Variants in NOA1 observed in about 807,000 individuals in gnomAD.
NOA1 encodes nitric oxide associated 1.
In NOA1, 35 loss-of-function variants were observed where a neutral mutation model predicts 58.4. That is an observed-to-expected ratio of 0.60 (90% CI 0.46 to 0.79). The LOEUF (loss-of-function observed/expected upper bound fraction) is 0.79, where lower values mean the gene tolerates loss of function less well. NOA1 is among the 30% of genes least tolerant of loss of function. The pLI, the probability that NOA1 is intolerant of heterozygous loss-of-function variation, is 0.00. For missense variants in NOA1, 895 were observed against 894.6 expected, an observed-to-expected ratio of 1.00 and a Z score of -0.01; for synonymous variants, 397 against 373.4, an observed-to-expected ratio of 1.06 and a Z score of -0.73.
rs1231374794 is a variant in NOA1 at position 56,973,276 on chromosome 4, C to G, written c.1387G>C (p.Ala463Pro). 3 of 1,613,910 alleles carry G rather than the reference C, an allele frequency of 1.9e-6. No individual in the cohort carries two copies. Among genetic ancestry groups the G allele is most frequent in the Non-Finnish European group, 2.5e-6 (3 of 1,180,014 alleles). The change falls in exon 3 of 7, where the codon GCC (alanine) becomes CCC (proline). Residue 463 changes from alanine (A) to proline (P), a missense_variant. Ala to Pro is a conservative substitution (Grantham distance 27). Around this residue, in one of 3 missense-constraint regions of NOA1, gnomAD observed 680 missense variants for 656.5 expected, o/e 1.04. Transcript: ENST00000264230. ...ACAGGGTCATTTTCCATGTCAAAGG[C>G]AAGTGAATCAGCATCAAACTCAAAG... Reference protein sequence around the residue: ...IPFEFDADSLAFDMENDPVMG... With the variant: ...IPFEFDADSLPFDMENDPVMG...
At chr4:56,970,165 G>C (rs567637845) in intron 3 of NOA1, among the ~76,000 whole-genome samples, 1 of 151,906 alleles carries the variant, frequency 6.6e-6, no homozygotes, top group Non-Finnish European at 1.5e-5. Context: ...CTGGGGTGGC[G>C]TGTGTCTGTA....
chr4:56,968,890 C>T (rs13146782), intron 3 of NOA1, among the ~76,000 whole-genome samples: 47,028 of 152,024 alleles, frequency 0.31, 7,615 homozygotes, highest in Middle Eastern at 0.38. Flanking sequence ...TAGCAATTTC[C>T]GCTTAAAGTA....
Position 56,964,520 on chromosome 4 carries a change from T to G in NOA1, c.1771A>C (p.Met591Leu). ...CCTGCCATTCGTTCTTTTCCACCCA[T>G]TGGAATCTTCCAATGAAATAAAGAT... Reference protein sequence around the residue: ...HAGHTLLQIPMGGKERMAGFP... With the variant: ...HAGHTLLQIPLGGKERMAGFP... Residue 591 changes from methionine to leucine, a missense_variant, in exon 6 of 7, where the codon ATG becomes CTG. By Grantham distance (15) the Met-to-Leu change is conservative (BLOSUM62 2). Coordinates refer to ENST00000264230, the MANE Select transcript of NOA1 (RefSeq NM_032313.4). The G allele has an allele frequency of 6.2e-7, 1 of 1,613,056 alleles. No homozygotes were observed.
chr4:56,976,841 T>C lies in NOA1; in HGVS notation c.745A>G (p.Lys249Glu). 1 of 1,613,034 alleles carries C rather than the reference T, an allele frequency of 6.2e-7. No homozygotes were observed. The highest frequency in any genetic ancestry group is 8.5e-7 in the Non-Finnish European group (1 of 1,179,754). Residue 249 changes from lysine to glutamate, a missense_variant, in exon 1 of 7, where the codon AAA becomes GAA. Transcript: ENST00000264230. ...GCATCCTGGGGCAGGAGGTCCACTT[T>C]GTTTCCCAGCACGATCAGCTGCTTG... Reference protein sequence around the residue: ...GPKQLIVLGNKVDLLPQDAPG... With the variant: ...GPKQLIVLGNEVDLLPQDAPG...
At chr4:56,966,768 G>T in intron 4 of NOA1, 32 bp from the exon 5 acceptor site, 1 of 1,374,446 alleles carries the variant, frequency 7.3e-7, no homozygotes. Context: ...CTGACCTGGT[G>T]AAAAACTTGG....
At chr4:56,967,822 AT>A (rs1721741797) in intron 4 of NOA1, among the ~76,000 whole-genome samples, 1 of 152,140 alleles carries the variant, frequency 6.6e-6, no homozygotes, top group South Asian at 2.1e-4. Context: ...CTTGTCTTAA[AT>A]GCCAAGCTGT....
In NOA1 at chr4:56,977,412, G is replaced by A; in HGVS notation, c.174C>T (p.Asp58=). 6.2e-7 allele frequency: 1 copy of A among 1,614,192 alleles called. No individual in the cohort carries two copies. The highest frequency in any genetic ancestry group is 1.1e-5 in the South Asian group (1 of 91,090). ...CACCACCTTCTCCAAAGCCCTCCGT[G>A]TCCACGGGGTCATAAGGAAGCTCGC... ...LGRELPYDPV[D]TEGFGEGGDM... is the part of the protein sequence containing the mutation. Residue 58 remains aspartate, a synonymous_variant, in exon 1 of 7, where the codon GAC becomes GAT. Coordinates refer to ENST00000264230, the MANE Select transcript of NOA1 (RefSeq NM_032313.4).
chr4:56,975,982 G>A (rs1721913149), intron 1 of NOA1, among the ~76,000 whole-genome samples: 2 of 152,208 alleles, frequency 1.3e-5, no homozygotes, highest in Non-Finnish European at 2.9e-5. Flanking sequence ...GGGAGGCGGA[G>A]GTTGCAGTGA....
At chr4:56,963,810 G>C (rs1166795036) in intron 6 of NOA1, 149 bp from the exon 7 acceptor site, 12 of 629,930 alleles carry the variant, frequency 1.9e-5, no homozygotes, top group Non-Finnish European at 3.0e-5. Flanking sequence ...ACTGCGTCTT[G>C]CTATGTTACC....
intron 5 of NOA1, among the ~76,000 whole-genome samples, chr4:56,965,835 C>CTTTTTTTTT (rs10638725): frequency 8.7e-6 from 1 of 115,082 alleles, no homozygotes; most frequent in Non-Finnish European, 1.7e-5. Flanking sequence ...TAAATTTTCC[C>CTTTTTTTTT]TTTTTTTTTT....
At chr4:56,963,789 T>A (rs558235237) in intron 6 of NOA1, 128 bp from the exon 7 acceptor site, 1 of 663,512 alleles carries the variant, frequency 1.5e-6, no homozygotes, top group African/African-American at 1.8e-5. Context: ...TATTTTATTA[T>A]TTTTTAAGAA....
intron 1 of NOA1, 129 bp downstream of exon 1, chr4:56,976,313 G>A: frequency 1.3e-6 from 1 of 741,216 alleles, no homozygotes; most frequent in Non-Finnish European, 2.2e-6. Context: ...AGAGTGGGGA[G>A]AGAATTTGTA....
intron 5 of NOA1, among the ~76,000 whole-genome samples, chr4:56,966,183 C>T (rs1225337399): frequency 1.3e-5 from 2 of 152,064 alleles, no homozygotes; most frequent in East Asian, 1.9e-4. Context: ...CCCATCACCA[C>T]GCCTGGCTAA....
At position 56,967,554 on chromosome 4, in the gene NOA1, T is replaced by C. The variant is rs1194981820; in HGVS notation, c.1648-818A>G. Among the ~76,000 whole-genome samples the C allele has an allele frequency of 2.6e-5, 4 of 152,176 alleles. No individual in the cohort carries two copies. In the East Asian group the frequency reaches 7.7e-4, roughly 29 times the overall value. On this transcript the variant is annotated intron_variant, in intron 4 of 6. Coordinates refer to ENST00000264230, the MANE Select transcript of NOA1 (RefSeq NM_032313.4). ...GCTATAGTAATGGCACACAGTTGTA[T>C]TGTGTTGTTGGACATATCCATATCC...
At chr4:56,963,682 A>G (rs1277213487) in intron 6 of NOA1, 21 bp from the exon 7 acceptor site, 7 of 1,585,282 alleles carry the variant, frequency 4.4e-6, no homozygotes, top group Admixed American at 1.7e-5. Flanking sequence ...ATGTGACACA[A>G]CACAAAAGGC....
rs202025737 is a variant in NOA1, at chr4:56,976,878, C to A, written c.708G>T (p.Ala236=). 6.2e-6 allele frequency: 10 copies of A among 1,613,062 alleles called. No individual in the cohort carries two copies. The East Asian group carries it at 1.1e-4, about 18-fold the overall frequency. The change falls in exon 1 of 7, where the codon GCG becomes GCT. Residue 236 remains alanine (A), a synonymous_variant. Transcript: ENST00000264230. The part of the protein sequence containing the change: ...LPDALLPDLP[A]LVGPKQLIVL... ...CGATCAGCTGCTTGGGGCCCACCAG[C>A]GCGGGCAAGTCGGGCAGCAGGGCGT...
At chr4:56,974,592 C>T in intron 1 of NOA1, among the ~76,000 whole-genome samples, 1 of 149,682 alleles carries the variant, frequency 6.7e-6, no homozygotes, top group African/African-American at 2.5e-5. Context: ...GTGAGGGTTG[C>T]CGTGAGGCGA....
At chr4:56,970,420 G>A (rs917668949) in intron 3 of NOA1, among the ~76,000 whole-genome samples, 11 of 151,214 alleles carry the variant, frequency 7.3e-5, no homozygotes, top group Middle Eastern at 3.2e-3. Flanking sequence ...ACTTGATCAC[G>A]CCACTGCATT....
rs1326952099 is a variant in NOA1 at position 56,976,768 on chromosome 4, GCA to G, written c.816_817del (p.Ala273ProfsTer83). The G allele has an allele frequency of 6.2e-7, 1 of 1,609,222 alleles. No homozygotes were observed. Among genetic ancestry groups the G allele is most frequent in the East Asian group, 2.2e-5 (1 of 44,746 alleles). The stretch of plus-strand genomic sequence containing the variant: ...AGGGGCCAGCAGGAGCCCGGCGCGG[GCA>G]CAGTCCTCCCACAGTCGCTCCCGCA... On this transcript the variant is annotated frameshift_variant, in exon 1 of 7. Coordinates refer to ENST00000264230, the MANE Select transcript of NOA1 (RefSeq NM_032313.4). LOFTEE classifies it high-confidence loss of function.
Sources: allele counts gnomAD v4.1 joint callset (sites outside exome capture counted in the v4.1 genomes callset), GRCh38; gene constraint gnomAD v4.1.1; regional missense constraint gnomAD v4.1.1; transcripts MANE v1.5; gene names NCBI Gene and HGNC (gene_info 2026-07-23, HGNC 2026-07-21).